The following MYOM1 variants were observed in gnomAD, a reference collection of about 807,000 sequenced individuals.
MYOM1 encodes myomesin-1.
MYOM1 carries 164 observed loss-of-function variants against 205.3 expected under a neutral mutation model. The ratio of observed to expected loss-of-function variants is 0.80; its 90% CI spans 0.70 to 0.91. The LOEUF (loss-of-function observed/expected upper bound fraction) is 0.91, where lower values mean the gene tolerates loss of function less well. Among genes scored for constraint, MYOM1 ranks in the 40% least tolerant of loss-of-function variants. The probability of loss-of-function intolerance (pLI) is 0.00; values close to 1 mark genes in which losing one functional copy is unlikely to be tolerated. For missense variants in MYOM1, 2,011 were observed against 2,127.3 expected (o/e 0.95, Z 1.08); for synonymous variants, 772 against 789.4 (o/e 0.98, Z 0.37).
the MYOM1 span, among the ~76,000 whole-genome samples, chr18:3,227,019 C>T: frequency 6.6e-6 from 1 of 152,204 alleles, no homozygotes; most frequent in African/African-American, 2.4e-5. Flanking sequence ...GCTGCCTGCA[C>T]GCATAGTCCA....
At chr18:3,238,972 G>A in the MYOM1 span, among the ~76,000 whole-genome samples, 7,675 of 152,236 alleles carry the variant, frequency 0.05, 450 homozygotes, top group African/African-American at 0.15. Flanking sequence ...TACCCAGATA[G>A]TACAGGATAA....
the MYOM1 span, among the ~76,000 whole-genome samples, chr18:3,225,001 A>T: frequency 7.0e-6 from 1 of 142,928 alleles, no homozygotes; most frequent in Non-Finnish European, 1.5e-5. Context: ...ATTTTATTTT[A>T]TTTTGAGACG....
At chr18:3,142,585 G>C (rs570546851) in intron 13 of MYOM1, among the ~76,000 whole-genome samples, 2 of 88,866 alleles carry the variant, frequency 2.3e-5, no homozygotes, top group African/African-American at 5.6e-5. Flanking sequence ...TGCTCATTTA[G>C]AATATAGAGC....
Position 3,068,638 on chromosome 18 carries a change from G to A in MYOM1, c.4765-1083C>T, listed in dbSNP as rs116463029. ...TATTATATAAATAGAATCATGCACT[G>A]TATAACCTTTCAGAATAACCTTTGT... On this transcript the variant is annotated intron_variant, in intron 37 of 37. Transcript: ENST00000356443. 2.4e-3 allele frequency among the ~76,000 whole-genome samples: 358 copies of A among 152,178 alleles called. 5 individuals are homozygous for A. The highest frequency in any genetic ancestry group is 8.0e-3 in the African/African-American group (333 of 41,518).
chr18:3,096,880 T>C (rs2079312673), intron 25 of MYOM1, among the ~76,000 whole-genome samples: 1 of 152,204 alleles, frequency 6.6e-6, no homozygotes, highest in Admixed American at 6.5e-5. Flanking sequence ...TGCAATTTAG[T>C]ATCAATACTG....
At chr18:3,079,051 C>T (rs1378826951) in intron 34 of MYOM1, 128 bp downstream of exon 34, 1 of 733,274 alleles carries the variant, frequency 1.4e-6, no homozygotes, top group Non-Finnish European at 2.1e-6. Context: ...GACTTCAAGT[C>T]ATCCTCCTGC....
chr18:3,158,052 T>C (rs573588635), intron 10 of MYOM1, among the ~76,000 whole-genome samples: 365 of 152,314 alleles, frequency 2.4e-3, no homozygotes, highest in Non-Finnish European at 3.9e-3. Context: ...ATTGTAAAAG[T>C]GTTACATATA....
At chr18:3,119,579 T>G (rs1383956003) in intron 20 of MYOM1, among the ~76,000 whole-genome samples, 1 of 152,142 alleles carries the variant, frequency 6.6e-6, no homozygotes, top group African/African-American at 2.4e-5. Context: ...TTTTAAACAT[T>G]CATTTGCACT....
chr18:3,199,867 T>A (rs1182296452), intron 2 of MYOM1, among the ~76,000 whole-genome samples: 1 of 151,804 alleles, frequency 6.6e-6, no homozygotes, highest in Non-Finnish European at 1.5e-5. Flanking sequence ...CTGCACACTT[T>A]AGCTGTGCTC....
In MYOM1 at chr18:3,090,638, A is replaced by T. The variant is rs1463412841; in HGVS notation, c.4009+20T>A. ...AGGGAGTAGCAAAGCCTGCTGGTTA[A>T]TGTTCCACGGAATTCTTACCATCTC... On this transcript the variant is annotated intron_variant, in intron 27 of 37. Transcript: ENST00000356443. 6.2e-7 allele frequency: 1 copy of T among 1,613,660 alleles called. No individual in the cohort carries two copies. The highest frequency in any genetic ancestry group is 8.5e-7 in the Non-Finnish European group (1 of 1,179,648).
At chr18:3,116,721 G>T (rs1489648835) in intron 20 of MYOM1, among the ~76,000 whole-genome samples, 1 of 152,170 alleles carries the variant, frequency 6.6e-6, no homozygotes, top group Non-Finnish European at 1.5e-5. Context: ...CCCTTTAAGG[G>T]TGGCAGGTAG....
At position 3,209,385 on chromosome 18, in the gene MYOM1, C is replaced by T. The variant is rs2081164771; in HGVS notation, c.290+5549G>A. On this transcript the variant is annotated intron_variant, in intron 2 of 37. Transcript: ENST00000356443. The surrounding 1 kb of genome is among the most constrained non-coding windows in gnomAD (Gnocchi z 4.0). ...TGCACATCTGGCCCTGGCTGGACTA[C>T]AGCACTAGCCTCCTAACAAGGGAAC... is the stretch of plus-strand genomic sequence containing the variant. Among the ~76,000 whole-genome samples, 1 of 152,210 alleles carries T rather than the reference C, an allele frequency of 6.6e-6. No homozygotes were observed. The highest frequency in any genetic ancestry group is 2.1e-4 in the South Asian group (1 of 4,828).
At chr18:3,201,334 G>A (rs1598766520) in intron 2 of MYOM1, among the ~76,000 whole-genome samples, 2 of 151,934 alleles carry the variant, frequency 1.3e-5, no homozygotes, top group Non-Finnish European at 2.9e-5. Context: ...GGGAGGCAGA[G>A]CTTGCAGTGA....
rs1268154288 is a variant in MYOM1, at chr18:3,219,366, TA to T, written c.-29+436del. ...ACAGCAAGATCCCTGAATTATAAAC[TA>T]GTGACTTCAGAGTTAATTTTCCTTC... is the stretch of plus-strand genomic sequence containing the variant. On this transcript the variant is annotated intron_variant, in intron 1 of 37. Transcript: ENST00000356443. This position sits in a 1 kb window ranked among gnomAD's most constrained non-coding sequence, Gnocchi z 4.4. Among the ~76,000 whole-genome samples the T allele has an allele frequency of 6.6e-6, 1 of 152,134 alleles. No individual in the cohort carries two copies. The highest frequency in any genetic ancestry group is 2.4e-5 in the African/African-American group (1 of 41,442).
chr18:3,183,909 C>CTT (rs1555627860), intron 5 of MYOM1, among the ~76,000 whole-genome samples: 3 of 143,424 alleles, frequency 2.1e-5, no homozygotes, highest in Non-Finnish European at 1.5e-5. Flanking sequence ...CGTTCTCTCT[C>CTT]TTTTTTTTTT....
At chr18:3,117,831 G>A (rs896427345) in intron 20 of MYOM1, among the ~76,000 whole-genome samples, 1 of 152,072 alleles carries the variant, frequency 6.6e-6, no homozygotes, top group Non-Finnish European at 1.5e-5. Flanking sequence ...TTGGCTTCAT[G>A]GCTACAAATA....
the MYOM1 span, among the ~76,000 whole-genome samples, chr18:3,231,847 CTTTTTTT>C: frequency 8.1e-6 from 1 of 123,800 alleles, no homozygotes; most frequent in Non-Finnish European, 1.7e-5. Context: ...CAGCCGCATC[CTTTTTTT>C]TTTTTTTTTT....
At position 3,085,193 on chromosome 18, in the gene MYOM1, A is replaced by ATTT. The variant is rs148266515; in HGVS notation, c.4252-64_4252-62dup. The ATTT allele has an allele frequency of 6.8e-4, 344 of 504,212 alleles. 1 individual carries two copies. Among genetic ancestry groups the ATTT allele is most frequent in the South Asian group, 1.1e-3 (36 of 32,852 alleles). 31.2% of individuals were successfully genotyped at this position (504,212 alleles called of 1,614,324 possible). A position where few individuals can be genotyped will look rare whatever the true frequency, so the allele number is the denominator to read the frequency against. ...GTAGCCCCAGGGCACGGTATCTGTG[A>ATTT]TTTTTTTTTTTCTTCTGCTTCTTCT... On this transcript the variant is annotated intron_variant, in intron 30 of 37. Transcript: ENST00000356443.
intron 18 of MYOM1, among the ~76,000 whole-genome samples, chr18:3,128,610 TC>T (rs2079829482): frequency 6.6e-6 from 1 of 152,192 alleles, no homozygotes; most frequent in Non-Finnish European, 1.5e-5. Context: ...GCTGTTTTTT[TC>T]TTTTCTTTTT....
Sources: gnomAD v4.1 joint callset for allele counts (sites outside exome capture counted in the v4.1 genomes callset) on GRCh38, gnomAD v4.1.1 for gene constraint, Gnocchi (gnomAD v3.1) non-coding constraint, MANE v1.5 for transcripts, NCBI Gene and HGNC (gene_info 2026-07-23, HGNC 2026-07-21) for gene names.